WDFY4: variants seen among roughly 807,000 people sequenced by gnomAD.
WDFY4 encodes WD repeat- and FYVE domain-containing protein 4.
Under a neutral mutation model 351.9 loss-of-function variants are expected in WDFY4, and 169 were observed. The ratio of observed to expected loss-of-function variants is 0.48; its 90% CI spans 0.42 to 0.55. The LOEUF is 0.55. Among genes scored for constraint, WDFY4 ranks in the 20% least tolerant of loss-of-function variants. The pLI is 0.00. For missense variants in WDFY4, 3,803 were observed against 3,935.6 expected, an observed-to-expected ratio of 0.97 and a Z score of 0.90; for synonymous variants, 1,622 against 1,574.6, an observed-to-expected ratio of 1.03 and a Z score of -0.71.
At chr10:48,728,977 C>G (rs1004407891) in intron 7 of WDFY4, among the ~76,000 whole-genome samples, 3 of 152,210 alleles carry the variant, frequency 2.0e-5, no homozygotes, top group African/African-American at 7.2e-5. Context: ...ATGCCCTTCT[C>G]CACAAGAGGA....
At chr10:48,938,103 T>C (rs1216932900) in intron 47 of WDFY4, among the ~76,000 whole-genome samples, 1 of 152,248 alleles carries the variant, frequency 6.6e-6, no homozygotes, top group East Asian at 1.9e-4. Context: ...CATTGTGGCT[T>C]GCGTATGCCT....
intron 39 of WDFY4, among the ~76,000 whole-genome samples, chr10:48,845,374 A>T (rs1455976615): frequency 6.6e-6 from 1 of 152,160 alleles, no homozygotes; most frequent in East Asian, 1.9e-4. Flanking sequence ...CCCTTGGGTT[A>T]AGGCCAGGGA....
rs1364459318 is a variant in WDFY4, at chr10:48,826,687, C to G, written c.5999C>G (p.Ser2000Cys). The G allele has an allele frequency of 6.4e-7, 1 of 1,551,278 alleles. No individual in the cohort carries two copies. Among genetic ancestry groups the G allele is most frequent in the South Asian group, 1.2e-5 (1 of 84,064 alleles). Residue 2000 changes from serine (S) to cysteine (C), a missense_variant, in exon 36 of 62, where the codon TCT becomes TGT. This residue lies in a region of WDFY4 where 3,054 missense variants were observed against 3,148.6 expected (regional missense o/e 0.97). Coordinates refer to ENST00000325239, the MANE Select transcript of WDFY4 (RefSeq NM_001394531.1). ...ATGACACAGGTCATTGAGACTGCCT[C>G]TTCTCAAAGGGACACTGTCCTCAGC... ...EHIMVVIETA[S>C]SQRDTVLSTL... is the part of the protein sequence containing the mutation.
intron 58 of WDFY4, 156 bp downstream of exon 58, chr10:48,975,197 T>C: frequency 2.1e-6 from 2 of 958,082 alleles, no homozygotes; most frequent in Non-Finnish European, 3.2e-6. Flanking sequence ...ATCTCACTTG[T>C]AGCACCCAGG....
intron 39 of WDFY4, among the ~76,000 whole-genome samples, chr10:48,861,704 G>A (rs2069350766): frequency 6.6e-6 from 1 of 152,092 alleles, no homozygotes; most frequent in South Asian, 2.1e-4. Flanking sequence ...TTTGGAATTT[G>A]CTTAGCTTCT....
At chr10:48,913,865 G>A in intron 47 of WDFY4, 2 of 1,614,138 alleles carry the variant, frequency 1.2e-6, no homozygotes, top group African/African-American at 1.3e-5. Flanking sequence ...GGTAGAGCAG[G>A]CTGGTCATCT....
rs554493952 is a variant in WDFY4, at chr10:48,930,749, T to C, written c.7587-11057T>C. On this transcript the variant is annotated intron_variant, in intron 47 of 61. Coordinates refer to ENST00000325239, the MANE Select transcript of WDFY4 (RefSeq NM_001394531.1). ...TAGATGAGTGATTAAATAATTAATG[T>C]GTAATCATAGAATGAAATAAATAAT... Among the ~76,000 whole-genome samples, 161 of 152,110 alleles carry C rather than the reference T, an allele frequency of 1.1e-3. 1 individual carries two copies. The highest frequency in any genetic ancestry group is 3.7e-3 in the African/African-American group (155 of 41,478).
At chr10:48,731,063 C>T (rs1427347823) in intron 8 of WDFY4, 47 bp from the exon 9 acceptor site, 1 of 1,466,232 alleles carries the variant, frequency 6.8e-7, no homozygotes, top group Non-Finnish European at 9.1e-7. Context: ...TTTGTAGACA[C>T]AGGCAGGAGA....
intron 20 of WDFY4, among the ~76,000 whole-genome samples, chr10:48,787,936 CTTCTTCTTCTTCTTCTT>C (rs2066520440): frequency 2.0e-5 from 2 of 98,368 alleles, no homozygotes; most frequent in Admixed American, 1.1e-4. Context: ...TCTTCTTCTT[CTTCTTCTTCTTCTTCTT>C]CTTCTTCTTC....
chr10:48,745,825 C>T (rs566279203), intron 12 of WDFY4: 10 of 349,650 alleles, frequency 2.9e-5, no homozygotes, highest in South Asian at 2.1e-4. Context: ...GGGATTCCAT[C>T]GAACACCTCG....
chr10:48,743,590 C>T, intron 12 of WDFY4, 42 bp downstream of exon 12: 3 of 1,502,424 alleles, frequency 2.0e-6, no homozygotes, highest in Non-Finnish European at 2.7e-6. Context: ...ATCTCTGTCT[C>T]CCATTCTCAC....
chr10:48,760,325 C>T (rs2065463883), intron 12 of WDFY4, 22 bp from the exon 13 acceptor site: 4 of 1,549,600 alleles, frequency 2.6e-6, no homozygotes, highest in Non-Finnish European at 3.5e-6. Flanking sequence ...TGTCTCATGT[C>T]TGGCTCTCCC....
chr10:48,822,310 G>T, intron 34 of WDFY4, 70 bp from the exon 35 acceptor site: 1 of 1,446,512 alleles, frequency 6.9e-7, no homozygotes, highest in Non-Finnish European at 9.1e-7. Context: ...GTCACTACAG[G>T]GGGCTTGGAG....
At position 48,816,578 on chromosome 10, in the gene WDFY4, G is replaced by A. The variant is rs113911747; in HGVS notation, c.5341-667G>A. 7.4e-3 allele frequency among the ~76,000 whole-genome samples: 1,127 copies of A among 152,104 alleles called. 16 individuals carry two copies. Among genetic ancestry groups the A allele is most frequent in the African/African-American group, 0.026 (1,061 of 41,464 alleles). ...AGGCCTAATGAGCAATTAATTTAGG[G>A]GTACCTGAAAAGATGTATATTTTCT... On this transcript the variant is annotated intron_variant, in intron 31 of 61. Coordinates refer to ENST00000325239, the MANE Select transcript of WDFY4 (RefSeq NM_001394531.1).
At position 48,820,327 on chromosome 10, in the gene WDFY4, G is replaced by A; in HGVS notation, c.5599G>A (p.Ala1867Thr). Residue 1867 changes from alanine to threonine, a missense_variant, in exon 33 of 62, where the codon GCA becomes ACA. By Grantham distance (58) the Ala-to-Thr change is moderately conservative. Around this residue, in one of 3 missense-constraint regions of WDFY4, gnomAD observed 3,054 missense variants for 3,148.6 expected, o/e 0.97. Coordinates refer to ENST00000325239, the MANE Select transcript of WDFY4 (RefSeq NM_001394531.1). ...TVEGLQAPTK[A>T]HPARRKLREF... ...GGAGGGTCTCCAGGCTCCCACCAAGGCACATCCCGCCCGGAGGAAGCTGAG... is the reference window on the plus strand; with the variant it reads ...GGAGGGTCTCCAGGCTCCCACCAAGACACATCCCGCCCGGAGGAAGCTGAG... 2 of 1,551,628 alleles carry A rather than the reference G, an allele frequency of 1.3e-6. No homozygotes were observed. The highest frequency in any genetic ancestry group is 1.7e-6 in the Non-Finnish European group (2 of 1,146,982).
At chr10:48,889,344 T>A (rs1284725961) in intron 43 of WDFY4, among the ~76,000 whole-genome samples, 1 of 152,186 alleles carries the variant, frequency 6.6e-6, no homozygotes, top group Non-Finnish European at 1.5e-5. Context: ...ACGGATCCCA[T>A]TTGGTGCAGG....
At chr10:48,713,263 T>C (rs560571429) in intron 2 of WDFY4, among the ~76,000 whole-genome samples, 80 of 152,312 alleles carry the variant, frequency 5.3e-4, no homozygotes, top group African/African-American at 1.8e-3. Flanking sequence ...TTCAAACTTG[T>C]GAGTCTTGAG....
At chr10:48,944,409 G>A (rs1840939319) in intron 49 of WDFY4, among the ~76,000 whole-genome samples, 1 of 152,234 alleles carries the variant, frequency 6.6e-6, no homozygotes, top group Non-Finnish European at 1.5e-5. Context: ...CTGGACCAGG[G>A]TGATTTCTGT....
At chr10:48,738,357 G>A (rs1350532487) in intron 11 of WDFY4, among the ~76,000 whole-genome samples, 1 of 152,228 alleles carries the variant, frequency 6.6e-6, no homozygotes, top group Non-Finnish European at 1.5e-5. Context: ...AGTCGTTATG[G>A]TGTTTTACAG....
Sources: gnomAD v4.1 joint callset for allele counts (sites outside exome capture counted in the v4.1 genomes callset) on GRCh38, gnomAD v4.1.1 for gene constraint, gnomAD v4.1.1 regional missense constraint, MANE v1.5 for transcripts, NCBI Gene and HGNC (gene_info 2026-07-23, HGNC 2026-07-21) for gene names.